PDE3A: variants seen among roughly 807,000 people sequenced by gnomAD.
PDE3A encodes phosphodiesterase 3A.
A neutral mutation model predicts 98.3 loss-of-function variants in PDE3A; 43 were observed. The ratio of observed to expected loss-of-function variants is 0.44; its 90% confidence interval spans 0.34 to 0.56. PDE3A has a LOEUF of 0.56. Among genes scored for constraint, PDE3A ranks in the 20% least tolerant of loss-of-function variants. The pLI is 0.01. For synonymous variants in PDE3A, 663 were observed against 567.9 expected, an observed-to-expected ratio of 1.17 and a Z score of -2.38; for missense variants, 1,427 against 1,440.7, an observed-to-expected ratio of 0.99 and a Z score of 0.15.
chr12:20,592,004 A>C (rs1283255135), intron 2 of PDE3A, among the ~76,000 whole-genome samples: 1 of 152,212 alleles, frequency 6.6e-6, no homozygotes, highest in African/African-American at 2.4e-5. Flanking sequence ...ACATGGTCTA[A>C]CTTTAAAGAA....
chr12:20,414,724 TAGAG>T (rs1474035679), intron 1 of PDE3A, among the ~76,000 whole-genome samples: 1 of 152,206 alleles, frequency 6.6e-6, no homozygotes, highest in Non-Finnish European at 1.5e-5. Flanking sequence ...TCTTTAAAGA[TAGAG>T]ACTCAGTTAT....
At position 20,681,130 on chromosome 12, in the gene PDE3A, T is replaced by G. The variant is rs1484290042; in HGVS notation, c.*859T>G. On this transcript the variant is annotated 3_prime_UTR_variant, in exon 16 of 16. Transcript: ENST00000359062. Reference sequence around the variant, plus strand: ...GGGTGAGAGGGCCACGTGTTTGGTATTACATTACTGCTATGCACCACTTGA... The same window carrying G: ...GGGTGAGAGGGCCACGTGTTTGGTAGTACATTACTGCTATGCACCACTTGA... 6.6e-6 allele frequency: 1 copy of G among 152,080 alleles called. No individual in the cohort carries two copies. The highest frequency in any genetic ancestry group is 6.6e-5 in the Admixed American group (1 of 15,262). The allele number at this position is 152,080 out of a possible 1,614,324, so 9.4% of individuals were successfully genotyped here. A position where few individuals can be genotyped will look rare whatever the true frequency, so the allele number is the denominator to read the frequency against.
chr12:20,559,617 G>T (rs1354960720), intron 2 of PDE3A, among the ~76,000 whole-genome samples: 1 of 151,536 alleles, frequency 6.6e-6, no homozygotes, highest in Non-Finnish European at 1.5e-5. Context: ...GTTGCAGTGA[G>T]CCAAGATCAT....
chr12:20,450,059 C>G, intron 1 of PDE3A: 1 of 590,064 alleles, frequency 1.7e-6, no homozygotes, highest in Non-Finnish European at 3.1e-6. Context: ...CATATTTCTT[C>G]AAGCTCCTTC....
rs1464943916 is a variant in PDE3A at position 20,621,348 on chromosome 12, T to G, written c.1477T>G (p.Phe493Val). 6.2e-7 allele frequency: 1 copy of G among 1,612,492 alleles called. No individual in the cohort carries two copies. The highest frequency in any genetic ancestry group is 1.7e-5 in the Admixed American group (1 of 59,980). The change falls in exon 5 of 16, where the codon TTT becomes GTT. Residue 493 changes from phenylalanine (F) to valine (V), a missense_variant. Physicochemically the swap from Phe to Val is conservative, Grantham distance 50. This residue lies in a region of PDE3A where 1,012 missense variants were observed against 886.5 expected (regional missense o/e 1.14). Transcript: ENST00000359062. ...VMMTLTKSRS[F>V]TSSYAISAAN... The stretch of plus-strand genomic sequence containing the variant: ...GATGACCCTCACCAAAAGCAGATCC[T>G]TTACTTCATCCTATGCTATTTCTGC...
intron 1 of PDE3A, among the ~76,000 whole-genome samples, chr12:20,487,274 T>C (rs1360120216): frequency 6.6e-6 from 1 of 151,994 alleles, no homozygotes; most frequent in East Asian, 1.9e-4. Flanking sequence ...GATTGATTAA[T>C]GAGGGAACCA....
intron 2 of PDE3A, among the ~76,000 whole-genome samples, chr12:20,573,127 C>A (rs1241546286): frequency 1.3e-5 from 2 of 151,758 alleles, no homozygotes; most frequent in Non-Finnish European, 2.9e-5. Flanking sequence ...CTTCCTGTAA[C>A]AAAACATAAA....
chr12:20,381,649 T>C lies in PDE3A; in HGVS notation c.960+11405T>C, dbSNP rs75377179. On this transcript the variant is annotated intron_variant, in intron 1 of 15. Transcript: ENST00000359062. Reference sequence around the variant, plus strand: ...CTGACATTCATTAGTTTCCAAGACATTGATTCTTATTCTTTAACTTTTTAG... The same window carrying C: ...CTGACATTCATTAGTTTCCAAGACACTGATTCTTATTCTTTAACTTTTTAG... Among the ~76,000 whole-genome samples the C allele has an allele frequency of 1.9e-4, 29 of 151,952 alleles. No homozygotes were observed. The East Asian group carries it at 4.5e-3, about 23-fold the overall frequency.
At chr12:20,659,604 CTTTA>C (rs1459107213) in intron 15 of PDE3A, among the ~76,000 whole-genome samples, 2 of 151,968 alleles carry the variant, frequency 1.3e-5, no homozygotes, top group Non-Finnish European at 2.9e-5. Flanking sequence ...AGCAGTCTCA[CTTTA>C]TTTATTTCTG....
intron 1 of PDE3A, among the ~76,000 whole-genome samples, chr12:20,490,893 C>T (rs919134320): frequency 2.0e-5 from 3 of 151,854 alleles, no homozygotes; most frequent in Admixed American, 1.3e-4. Flanking sequence ...CACTTGAGGC[C>T]GGGGAGTTTG....
At chr12:20,611,446 G>C (rs771080755) in intron 2 of PDE3A, among the ~76,000 whole-genome samples, 1 of 151,730 alleles carries the variant, frequency 6.6e-6, no homozygotes, top group South Asian at 2.1e-4. Context: ...CACCGTACTG[G>C]TTCAACACTT....
chr12:20,645,567 T>C (rs940194449), intron 10 of PDE3A, among the ~76,000 whole-genome samples: 6 of 152,138 alleles, frequency 3.9e-5, no homozygotes, highest in Admixed American at 2.0e-4. Context: ...TTACAATATG[T>C]AAATACAATA....
intron 1 of PDE3A, among the ~76,000 whole-genome samples, chr12:20,416,200 T>G (rs369175033): frequency 2.6e-5 from 4 of 152,102 alleles, no homozygotes; most frequent in African/African-American, 9.7e-5. Context: ...GAAATTGGAG[T>G]GGTCATGGAA....
At chr12:20,423,316 CTT>C (rs1944550597) in intron 1 of PDE3A, among the ~76,000 whole-genome samples, 1 of 148,674 alleles carries the variant, frequency 6.7e-6, no homozygotes, top group South Asian at 2.1e-4. Flanking sequence ...CAATCCCTCT[CTT>C]TCTTTCTGTT....
intron 1 of PDE3A, among the ~76,000 whole-genome samples, chr12:20,542,029 G>T (rs995329352): frequency 6.6e-6 from 1 of 151,982 alleles, no homozygotes; most frequent in Admixed American, 6.6e-5. Flanking sequence ...TCGCGTAATG[G>T]GGCTAGTATA....
chr12:20,488,680 A>C (rs1319670657), intron 1 of PDE3A, among the ~76,000 whole-genome samples: 1 of 152,052 alleles, frequency 6.6e-6, no homozygotes, highest in Non-Finnish European at 1.5e-5. Flanking sequence ...AACAACAACA[A>C]AAACAAAATA....
rs1942255199 is a variant in PDE3A, at chr12:20,552,912, C to A, written c.961-3748C>A. ...GGGCACAGGTGTTCAGCTGCCCTGC[C>A]TGCCGCTACGACCTGGGCCGCAGCT... On this transcript the variant is annotated intron_variant, in intron 1 of 15. Transcript: ENST00000359062. This position sits in a 1 kb window ranked among gnomAD's most constrained non-coding sequence, Gnocchi z 5.1. The A allele has an allele frequency of 1.2e-6, 2 of 1,600,382 alleles. No homozygotes were observed. The highest frequency in any genetic ancestry group is 4.6e-5 in the East Asian group (2 of 43,948).
rs1010919221 is a variant in PDE3A, at chr12:20,685,120, G to A, written c.*4849G>A. Among the ~76,000 whole-genome samples the A allele has an allele frequency of 8.5e-5, 13 of 152,106 alleles. No individual in the cohort carries two copies. Among genetic ancestry groups the A allele is most frequent in the Non-Finnish European group, 1.8e-4 (12 of 68,016 alleles). Reference sequence around the variant, plus strand: ...CAGGCTAACAATGGTGAAGTAAAATGAACATTTTTGGGCCGGGCGCAGTGG... The same window carrying A: ...CAGGCTAACAATGGTGAAGTAAAATAAACATTTTTGGGCCGGGCGCAGTGG... On this transcript the variant is annotated 3_prime_UTR_variant, in exon 16 of 16. Coordinates refer to ENST00000359062, the MANE Select transcript of PDE3A (RefSeq NM_000921.5).
intron 1 of PDE3A, among the ~76,000 whole-genome samples, chr12:20,543,261 T>C (rs982357709): frequency 8.4e-4 from 27 of 32,060 alleles, no homozygotes; most frequent in Non-Finnish European, 3.2e-3. Flanking sequence ...GGTTTGTTTG[T>C]TTTTTTTTTA....
Sources: allele counts gnomAD v4.1 joint callset (sites outside exome capture counted in the v4.1 genomes callset), GRCh38; gene constraint gnomAD v4.1.1; regional missense constraint gnomAD v4.1.1; non-coding constraint Gnocchi (gnomAD v3.1); transcripts MANE v1.5; gene names NCBI Gene and HGNC (gene_info 2026-07-23, HGNC 2026-07-21).